Variants in RASGRP1 observed in about 807,000 individuals in gnomAD.
RASGRP1 encodes RAS guanyl-releasing protein 1.
Under a neutral mutation model 95.1 loss-of-function variants are expected in RASGRP1, and 37 were observed. The observed-to-expected ratio is 0.39, with a 90% confidence interval of 0.30 to 0.51. RASGRP1 has a LOEUF of 0.51. Ranked by LOEUF, RASGRP1 falls within the 20% of genes least tolerant of loss-of-function variation. RASGRP1 has a pLI of 0.80. For synonymous variants in RASGRP1, 325 were observed against 353.4 expected (o/e 0.92, Z 0.90); for missense variants, 711 against 965.4 (o/e 0.74, Z 3.49).
rs117606920 is a variant in RASGRP1, at chr15:38,561,009, T to C, written c.36-1004A>G. 9.0e-3 allele frequency among the ~76,000 whole-genome samples: 1,374 copies of C among 152,356 alleles called. 7 individuals are homozygous for C. The highest frequency in any genetic ancestry group is 0.017 in the Middle Eastern group (5 of 294). On this transcript the variant is annotated intron_variant, in intron 1 of 16. Transcript: ENST00000310803. ...ACAGATCCATATCTATAATCTTTTA[T>C]GGTTTAATAGTGATGAGTGTTGCTG...
chr15:38,497,336 C>T (rs1317880760), intron 15 of RASGRP1, among the ~76,000 whole-genome samples: 2 of 152,086 alleles, frequency 1.3e-5, no homozygotes, highest in African/African-American at 4.8e-5. Flanking sequence ...TCATTTAAGA[C>T]TCTCTAGACT....
intron 8 of RASGRP1, among the ~76,000 whole-genome samples, chr15:38,509,856 C>T (rs1272627891): frequency 1.3e-5 from 2 of 152,044 alleles, no homozygotes; most frequent in Non-Finnish European, 2.9e-5. Context: ...CTACTGTAAC[C>T]CTTTTAGACA....
chr15:38,553,869 T>G (rs1350236546), intron 2 of RASGRP1, among the ~76,000 whole-genome samples: 2 of 152,222 alleles, frequency 1.3e-5, no homozygotes, highest in Non-Finnish European at 2.9e-5. Context: ...ACCATGTGCT[T>G]TTCTAGTTCA....
chr15:38,559,601 CCTAA>C (rs1279957396), intron 2 of RASGRP1, among the ~76,000 whole-genome samples: 3 of 152,182 alleles, frequency 2.0e-5, no homozygotes, highest in Non-Finnish European at 4.4e-5. Flanking sequence ...TGCAAACTCT[CCTAA>C]CTTTTCTCAC....
rs1890723268 is a variant in RASGRP1 at position 38,494,550 on chromosome 15, CTTCCTT to C, written c.2085_2090del (p.Arg696_Lys697del). 6.3e-7 allele frequency: 1 copy of C among 1,583,874 alleles called. No individual in the cohort carries two copies. The highest frequency in any genetic ancestry group is 1.8e-5 in the Admixed American group (1 of 54,662). On this transcript the variant is annotated inframe_deletion, in exon 16 of 17. Transcript: ENST00000310803. ...GCACATATAGAGTATCCTGGGCTGT[CTTCCTT>C]GGGGAAGACAGCACAAAGGGACCTG...
intron 1 of RASGRP1, among the ~76,000 whole-genome samples, chr15:38,564,232 G>A (rs1164637459): frequency 2.6e-5 from 4 of 152,212 alleles, no homozygotes; most frequent in Non-Finnish European, 5.9e-5. Flanking sequence ...GCAGGTGCGG[G>A]CAGCGCGGAA....
rs753948592 is a variant in RASGRP1 at position 38,494,748 on chromosome 15, A to G, written c.1893T>C (p.Phe631=). The G allele has an allele frequency of 6.6e-7, 1 of 1,503,902 alleles. No homozygotes were observed. The highest frequency in any genetic ancestry group is 8.9e-7 in the Non-Finnish European group (1 of 1,129,370). The allele number at this position is 1,503,902 out of a possible 1,614,324, so 93.2% of individuals were successfully genotyped here. The change falls in exon 16 of 17, where the codon TTT becomes TTC. Residue 631 remains phenylalanine, a synonymous_variant. Transcript: ENST00000310803. ...CCACAGCCTCCCCATTAGGGAATGT[A>G]AAAGGTCCTTCCTCAGGTGCTGTAG... ...DLLHAPEEGP[F]TFPNGEAVEH...
intron 3 of RASGRP1, among the ~76,000 whole-genome samples, chr15:38,519,759 AAAAG>A (rs971324392): frequency 6.6e-6 from 1 of 152,232 alleles, no homozygotes; most frequent in African/African-American, 2.4e-5. Flanking sequence ...AAGCAGAAAA[AAAAG>A]AAAAAACAGC....
At chr15:38,559,771 AAC>A (rs1439012838) in intron 2 of RASGRP1, 48 bp downstream of exon 2, 1 of 1,548,274 alleles carries the variant, frequency 6.5e-7, no homozygotes, top group Admixed American at 1.7e-5. Flanking sequence ...TTAAAGGACG[AAC>A]AAAGTAATAG....
At position 38,490,590 on chromosome 15, in the gene RASGRP1, A is replaced by ATGAT. The variant is rs776819939; in HGVS notation, c.2354_2357dup (p.His786GlnfsTer11). 1.9e-6 allele frequency: 3 copies of ATGAT among 1,613,260 alleles called. No individual in the cohort carries two copies. The highest frequency in any genetic ancestry group is 2.5e-6 in the Non-Finnish European group (3 of 1,179,428). The stretch of plus-strand genomic sequence containing the variant: ...CACCCTGCTCCATTTGAGCTAAGAC[A>ATGAT]TGATTGCTTTTTTCAAGCTGGAGGG... On this transcript the variant is annotated frameshift_variant, in exon 17 of 17. Coordinates refer to ENST00000310803, the MANE Select transcript of RASGRP1 (RefSeq NM_005739.4). LOFTEE classifies it high-confidence loss of function.
chr15:38,543,088 G>A (rs909540286), intron 2 of RASGRP1, among the ~76,000 whole-genome samples: 6 of 151,540 alleles, frequency 4.0e-5, no homozygotes, highest in African/African-American at 1.5e-4. Context: ...TTTGTGTCCT[G>A]TCTAAAAAAT....
chr15:38,526,541 C>A, intron 2 of RASGRP1, 137 bp from the exon 3 acceptor site: 1 of 612,150 alleles, frequency 1.6e-6, no homozygotes, highest in East Asian at 2.8e-5. Flanking sequence ...TAGCACAGCC[C>A]CCCTCTGTTT....
chr15:38,559,750 G>A (rs781761904), intron 2 of RASGRP1, 71 bp downstream of exon 2: 221 of 1,461,600 alleles, frequency 1.5e-4, no homozygotes, highest in Non-Finnish European at 2.0e-4. Context: ...TTGCTGTTCC[G>A]TAAAGCACTT....
At chr15:38,492,129 G>GT (rs1294235282) in intron 16 of RASGRP1, among the ~76,000 whole-genome samples, 2 of 152,126 alleles carry the variant, frequency 1.3e-5, no homozygotes, top group African/African-American at 4.8e-5. Flanking sequence ...ATTTTTAGAA[G>GT]TTGCATTTGG....
chr15:38,550,976 A>G (rs948214501), intron 2 of RASGRP1, among the ~76,000 whole-genome samples: 2 of 152,254 alleles, frequency 1.3e-5, no homozygotes, highest in African/African-American at 4.8e-5. Context: ...ACAAGAACTT[A>G]TAAAATAGTG....
At chr15:38,547,197 A>C (rs1045922036) in intron 2 of RASGRP1, among the ~76,000 whole-genome samples, 2 of 152,290 alleles carry the variant, frequency 1.3e-5, no homozygotes, top group South Asian at 2.1e-4. Flanking sequence ...TTGCCCATCT[A>C]ACATTTACTT....
chr15:38,525,714 G>A (rs1214410104), intron 3 of RASGRP1, among the ~76,000 whole-genome samples: 1 of 152,122 alleles, frequency 6.6e-6, no homozygotes, highest in East Asian at 1.9e-4. Flanking sequence ...TCTTTTGTGG[G>A]GGCTGCTGCT....
intron 15 of RASGRP1, among the ~76,000 whole-genome samples, chr15:38,495,124 A>G (rs1036346217): frequency 6.6e-6 from 1 of 152,088 alleles, no homozygotes. Context: ...CTCCATAAAT[A>G]CTTTTTTGGA....
At chr15:38,506,468 C>G (rs1215650468) in intron 9 of RASGRP1, among the ~76,000 whole-genome samples, 6 of 151,950 alleles carry the variant, frequency 3.9e-5, no homozygotes, top group Non-Finnish European at 7.4e-5. Flanking sequence ...AACCCTGTCT[C>G]TACAAAAAAT....
Sources: gnomAD v4.1 joint callset for allele counts (sites outside exome capture counted in the v4.1 genomes callset) on GRCh38, gnomAD v4.1.1 for gene constraint, MANE v1.5 for transcripts, NCBI Gene and HGNC (gene_info 2026-07-23, HGNC 2026-07-21) for gene names.